The following HLA-DQB2 variants were observed in gnomAD, a reference collection of about 807,000 sequenced individuals.
HLA-DQB2 encodes HLA class II histocompatibility antigen, DQ beta 2 chain.
Under a neutral mutation model 29.2 loss-of-function variants are expected in HLA-DQB2, and 24 were observed. The observed-to-expected ratio is 0.82, with a 90% CI of 0.60 to 1.16. The LOEUF (loss-of-function observed/expected upper bound fraction) is 1.16, where lower values mean the gene tolerates loss of function less well. Ranked by LOEUF, HLA-DQB2 falls within the 50% of genes most tolerant of loss-of-function variation. The pLI, the probability that HLA-DQB2 is intolerant of heterozygous loss-of-function variation, is 0.00. For synonymous variants in HLA-DQB2, 104 were observed against 133.1 expected, an observed-to-expected ratio of 0.78 and a Z score of 1.51; for missense variants, 273 against 343.6, an observed-to-expected ratio of 0.79 and a Z score of 1.62.
rs1764272291 is a variant in HLA-DQB2 at position 32,756,484 on chromosome 6, G to C, written c.782-18C>G. ...CAGGAGTCCTGGAGAAGAGAGACGA[G>C]GCATGATCAGCACAGGGTACCCTGA... On this transcript the variant is annotated intron_variant, in intron 5 of 5. Coordinates refer to ENST00000437316, the MANE Select transcript of HLA-DQB2 (RefSeq NM_001300790.2). 2 of 1,568,144 alleles carry C rather than the reference G, an allele frequency of 1.3e-6. No individual in the cohort carries two copies. Among genetic ancestry groups the C allele is most frequent in the South Asian group, 2.3e-5 (2 of 85,752 alleles).
At position 32,763,448 on chromosome 6, in the gene HLA-DQB2, C is replaced by T. The variant is rs1765028714; in HGVS notation, c.23G>A (p.Gly8Asp). The change falls in exon 1 of 6, where the codon GGC becomes GAC. Residue 8 changes from glycine to aspartate, a missense_variant. Physicochemically the swap from Gly to Asp is moderately conservative, Grantham distance 94 (BLOSUM62 -1). Transcript: ENST00000437316. MALQIPG[G>D]FWAAAVTVML... The stretch of plus-strand genomic sequence containing the variant: ...CACGGTCACAGCTGCTGCCCAAAAG[C>T]CTCCAGGGATCTGCAGAGCCATCTT... The T allele has an allele frequency of 6.4e-7, 1 of 1,559,338 alleles. No homozygotes were observed. The highest frequency in any genetic ancestry group is 8.7e-7 in the Non-Finnish European group (1 of 1,151,278).
At chr6:32,763,094 T>G (rs112207069) in intron 1 of HLA-DQB2, among the ~76,000 whole-genome samples, 1 of 152,192 alleles carries the variant, frequency 6.6e-6, no homozygotes, top group Non-Finnish European at 1.5e-5. Context: ...TGGAGTGCCA[T>G]GGTCATTTTG....
At chr6:32,759,264 C>G (rs1321841884) in intron 2 of HLA-DQB2, 133 bp from the exon 3 acceptor site, 1 of 1,088,334 alleles carries the variant, frequency 9.2e-7, no homozygotes, top group Non-Finnish European at 1.3e-6. Flanking sequence ...GATTAAGGTT[C>G]CTTCAACAAA....
chr6:32,756,200 C>T lies in HLA-DQB2; in HGVS notation c.*253G>A, dbSNP rs1238273840. 2.0e-6 allele frequency: 1 copy of T among 511,970 alleles called. No individual in the cohort carries two copies. Among genetic ancestry groups the T allele is most frequent in the African/African-American group, 1.9e-5 (1 of 52,512 alleles). 31.7% of individuals were successfully genotyped at this position (511,970 alleles called of 1,614,324 possible). ...CAGGTCTGTGGGGGGAGAATGGAAACAGAGATGCCCCTTGGGGCCTGAGTA... is the reference window on the plus strand; with the variant it reads ...CAGGTCTGTGGGGGGAGAATGGAAATAGAGATGCCCCTTGGGGCCTGAGTA... On this transcript the variant is annotated 3_prime_UTR_variant, in exon 6 of 6. Coordinates refer to ENST00000437316, the MANE Select transcript of HLA-DQB2 (RefSeq NM_001300790.2).
intron 2 of HLA-DQB2, among the ~76,000 whole-genome samples, chr6:32,761,188 G>A (rs199895302): frequency 0.12 from 15,412 of 129,350 alleles, no homozygotes; most frequent in South Asian, 0.14. Flanking sequence ...CAGTTGTGGA[G>A]CAGCCCTAAC....
chr6:32,756,374 G>A lies in HLA-DQB2; in HGVS notation c.*79C>T, dbSNP rs1359443734. ...GACCTCAGTGGGACAGGGTGACACAGGCAGCTAGGAATTCTGGGCAGGGGC... is the reference window on the plus strand; with the variant it reads ...GACCTCAGTGGGACAGGGTGACACAAGCAGCTAGGAATTCTGGGCAGGGGC... On this transcript the variant is annotated 3_prime_UTR_variant, in exon 6 of 6. Coordinates refer to ENST00000437316, the MANE Select transcript of HLA-DQB2 (RefSeq NM_001300790.2). 1 of 893,274 alleles carries A rather than the reference G, an allele frequency of 1.1e-6. No individual in the cohort carries two copies. 55.3% of individuals were successfully genotyped at this position (893,274 alleles called of 1,614,324 possible). A position where few individuals can be genotyped will look rare whatever the true frequency, so the allele number is the denominator to read the frequency against.
rs935868221 is a variant in HLA-DQB2, at chr6:32,756,103, C to T, written c.*350G>A. ...AAGGAAGTTCCGAATACAGATAACT[C>T]AGAATCAGGTTTAATTATGGGAAAA... On this transcript the variant is annotated 3_prime_UTR_variant, in exon 6 of 6. Coordinates refer to ENST00000437316, the MANE Select transcript of HLA-DQB2 (RefSeq NM_001300790.2). The T allele has an allele frequency of 2.2e-5, 7 of 320,786 alleles. No individual in the cohort carries two copies. Among genetic ancestry groups the T allele is most frequent in the African/African-American group, 1.5e-4 (7 of 48,136 alleles). The allele number at this position is 320,786 out of a possible 1,614,324, so 19.9% of individuals were successfully genotyped here.
intron 2 of HLA-DQB2, among the ~76,000 whole-genome samples, chr6:32,760,505 T>G (rs1284405331): frequency 6.6e-6 from 1 of 152,004 alleles, no homozygotes; most frequent in Admixed American, 6.5e-5. Flanking sequence ...GTAACTGTGC[T>G]ATTAAATGAC....
intron 3 of HLA-DQB2, among the ~76,000 whole-genome samples, chr6:32,758,249 G>A (rs1204028163): frequency 2.0e-5 from 3 of 152,130 alleles, no homozygotes; most frequent in South Asian, 2.1e-4. Flanking sequence ...CCTGGTGGGA[G>A]GTGACTGGAT....
rs766518048 is a variant in HLA-DQB2, at chr6:32,757,824, C to G, written c.706G>C (p.Gly236Arg). 5 of 1,613,998 alleles carry G rather than the reference C, an allele frequency of 3.1e-6. No homozygotes were observed. The highest frequency in any genetic ancestry group is 2.2e-5 in the South Asian group (2 of 91,040). ...MLSGIGGFVLGLIFLGLGLII... is the reference protein window; with the variant it reads ...MLSGIGGFVLRLIFLGLGLII... The stretch of plus-strand genomic sequence containing the variant: ...AGGCCCAGCCCGAGGAAGATCAGCC[C>G]CAGCACGAAGCCTCCAATGCCACTC... Residue 236 changes from glycine (G) to arginine (R), a missense_variant, in exon 4 of 6, where the codon GGG (glycine) becomes CGG (arginine). Transcript: ENST00000437316.
intron 1 of HLA-DQB2, 139 bp downstream of exon 1, chr6:32,763,235 A>T: frequency 1.6e-6 from 1 of 611,920 alleles, no homozygotes; most frequent in Non-Finnish European, 3.0e-6. Context: ...AATGCAACAT[A>T]GCTCTATTTC....
chr6:32,763,152 C>G (rs957079123), intron 1 of HLA-DQB2, among the ~76,000 whole-genome samples: 2 of 151,590 alleles, frequency 1.3e-5, no homozygotes, highest in Non-Finnish European at 2.9e-5. Flanking sequence ...TTTCCTCTCT[C>G]CTCCTTCAGG....
chr6:32,757,695 C>A, intron 4 of HLA-DQB2, 78 bp downstream of exon 4: 6 of 1,307,964 alleles, frequency 4.6e-6, no homozygotes, highest in Non-Finnish European at 6.5e-6. Flanking sequence ...GAAAGAGCTA[C>A]ATCTAGAGAC....
At chr6:32,760,949 G>C (rs9276582) in intron 2 of HLA-DQB2, among the ~76,000 whole-genome samples, 16,426 of 151,798 alleles carry the variant, frequency 0.11, 373 homozygotes, top group Non-Finnish European at 0.16. Context: ...TAAGTGGATG[G>C]GCAGCTGAGT....
rs796894555 is a variant in HLA-DQB2 at position 32,761,652 on chromosome 6, A to C, written c.364+8T>G. 1 of 1,544,010 alleles carries C rather than the reference A, an allele frequency of 6.5e-7. No individual in the cohort carries two copies. Among genetic ancestry groups the C allele is most frequent in the Non-Finnish European group, 8.7e-7 (1 of 1,145,498 alleles). ...GGGTGAGCCCCGCGGAAGGACGACG[A>C]CGCTCACCTTGCCGCTGCAAGGTCG... On this transcript the variant is annotated splice_region_variant and intron_variant, in intron 2 of 5. Coordinates refer to ENST00000437316, the MANE Select transcript of HLA-DQB2 (RefSeq NM_001300790.2).
chr6:32,756,702 G>A (rs1373961659), intron 5 of HLA-DQB2: 8 of 1,326,730 alleles, frequency 6.0e-6, no homozygotes, highest in Non-Finnish European at 6.7e-6. Context: ...TGGGTAATAT[G>A]AAGAGTTTGA....
intron 2 of HLA-DQB2, among the ~76,000 whole-genome samples, chr6:32,760,726 A>G (rs2113944333): frequency 6.6e-6 from 1 of 152,360 alleles, no homozygotes. Flanking sequence ...TCATTGTGCC[A>G]TTTGTTCAGC....
chr6:32,757,622 T>A, intron 4 of HLA-DQB2, 151 bp downstream of exon 4: 1 of 753,164 alleles, frequency 1.3e-6, no homozygotes, highest in South Asian at 1.8e-5. Flanking sequence ...CCCAGTAAAA[T>A]CAGATTCCAA....
rs1160944883 is a variant in HLA-DQB2 at position 32,756,445 on chromosome 6, C to T, written c.*8G>A. 2 of 1,524,828 alleles carry T rather than the reference C, an allele frequency of 1.3e-6. No individual in the cohort carries two copies. Among genetic ancestry groups the T allele is most frequent in the Admixed American group, 1.8e-5 (1 of 55,832 alleles). 94.5% of individuals were successfully genotyped at this position (1,524,828 alleles called of 1,614,324 possible). ...TGATGACCAATCCCAGACAAAAGTC[C>T]TCAGGAGTCAGTGCAGGAGTCCTGG... On this transcript the variant is annotated 3_prime_UTR_variant, in exon 6 of 6. Coordinates refer to ENST00000437316, the MANE Select transcript of HLA-DQB2 (RefSeq NM_001300790.2).
Sources: gnomAD v4.1 joint callset for allele counts (sites outside exome capture counted in the v4.1 genomes callset) on GRCh38, gnomAD v4.1.1 for gene constraint, MANE v1.5 for transcripts, NCBI Gene and HGNC (gene_info 2026-07-23, HGNC 2026-07-21) for gene names.